LAMB4: variants seen among roughly 807,000 people sequenced by gnomAD.
LAMB4 encodes laminin subunit beta 4.
LAMB4 carries 196 observed loss-of-function variants against 199.2 expected under a neutral mutation model. The ratio of observed to expected loss-of-function variants is 0.98; its 90% CI spans 0.88 to 1.11. The LOEUF is 1.11. Ranked by LOEUF, LAMB4 falls within the 50% of genes least tolerant of loss-of-function variation. LAMB4 has a pLI of 0.00. For synonymous variants in LAMB4, 744 were observed against 770.6 expected, an observed-to-expected ratio of 0.97 and a Z score of 0.57; for missense variants, 2,080 against 2,171.2, an observed-to-expected ratio of 0.96 and a Z score of 0.83.
intron 16 of LAMB4, among the ~76,000 whole-genome samples, chr7:108,077,412 C>T (rs565003746): frequency 1.2e-4 from 18 of 152,124 alleles, no homozygotes; most frequent in South Asian, 4.2e-4. Context: ...AAAATTTTTG[C>T]GGCAGGGCAT....
At chr7:108,121,673 C>A (rs1401857229) in intron 2 of LAMB4, among the ~76,000 whole-genome samples, 1 of 151,708 alleles carries the variant, frequency 6.6e-6, no homozygotes, top group Non-Finnish European at 1.5e-5. Flanking sequence ...TTGCTTGAAC[C>A]CAGGAGGTGG....
intron 26 of LAMB4, among the ~76,000 whole-genome samples, chr7:108,051,751 A>G (rs763738513): frequency 2.0e-5 from 3 of 152,088 alleles, no homozygotes; most frequent in Non-Finnish European, 2.9e-5. Context: ...CGAGAAAGGC[A>G]TATAAACATG....
chr7:108,063,651 T>C (rs1225827106), intron 22 of LAMB4, 110 bp downstream of exon 22: 2 of 959,526 alleles, frequency 2.1e-6, no homozygotes, highest in Non-Finnish European at 3.4e-6. Context: ...TGGGTGCTGC[T>C]TTTGCCTGCT....
In LAMB4 at chr7:108,034,225, T is replaced by C; in HGVS notation, c.4801A>G (p.Lys1601Glu). The change falls in exon 31 of 34, where the codon AAA becomes GAA. Residue 1601 changes from lysine (K) to glutamate (E), a missense_variant. Physicochemically the swap from Lys to Glu is moderately conservative, Grantham distance 56. Transcript: ENST00000388781. Reference protein sequence around the residue: ...TQLTANITKIKKNVLQAENQT... With the variant: ...TQLTANITKIEKNVLQAENQT... ...ACAAATACCTGCAGCACATTCTTTTTTATTTTTGTTATATTGGCAGTCAGC... is the reference window on the plus strand; with the variant it reads ...ACAAATACCTGCAGCACATTCTTTTCTATTTTTGTTATATTGGCAGTCAGC... 3 of 1,614,118 alleles carry C rather than the reference T, an allele frequency of 1.9e-6. No homozygotes were observed. The highest frequency in any genetic ancestry group is 1.7e-6 in the Non-Finnish European group (2 of 1,180,000).
At chr7:108,020,594 A>G (rs2150471062), downstream of LAMB4, among the ~76,000 whole-genome samples, 1 of 151,994 alleles carries the variant, frequency 6.6e-6, no homozygotes, top group East Asian at 1.9e-4. Flanking sequence ...TATTTTGGCT[A>G]CTCACATTAA....
chr7:108,089,028 T>G (rs546424841), intron 14 of LAMB4, among the ~76,000 whole-genome samples: 3 of 152,114 alleles, frequency 2.0e-5, no homozygotes, highest in Non-Finnish European at 4.4e-5. Flanking sequence ...GGCCCTTTGT[T>G]TTGGGTTAAA....
chr7:108,111,745 C>G, intron 4 of LAMB4, 66 bp downstream of exon 4: 1 of 1,407,624 alleles, frequency 7.1e-7, no homozygotes, highest in Admixed American at 1.8e-5. Flanking sequence ...TAAAACCATA[C>G]AAGGAAGAGG....
chr7:108,086,999 G>A (rs968750528), intron 14 of LAMB4, among the ~76,000 whole-genome samples: 3 of 152,142 alleles, frequency 2.0e-5, no homozygotes, highest in Non-Finnish European at 2.9e-5. Context: ...TCAGATTGTG[G>A]AGAGCCACTT....
chr7:108,088,919 G>T (rs1272365814), intron 14 of LAMB4, among the ~76,000 whole-genome samples: 1 of 152,174 alleles, frequency 6.6e-6, no homozygotes, highest in Non-Finnish European at 1.5e-5. Context: ...CCCAGCTAAG[G>T]AATCTGGGAG....
At position 108,055,657 on chromosome 7, in the gene LAMB4, C is replaced by A. The variant is rs1341599722; in HGVS notation, c.3730G>T (p.Val1244Phe). The change falls in exon 25 of 34, where the codon GTC becomes TTC. Residue 1244 changes from valine (V) to phenylalanine (F), a missense_variant. Val to Phe is a conservative substitution (Grantham distance 50). Coordinates refer to ENST00000388781, the MANE Select transcript of LAMB4 (RefSeq NM_007356.3). The stretch of plus-strand genomic sequence containing the variant: ...CTAACAGAGTCATGATAATCCTTGA[C>A]TTTTAAGAATTTCCCAGATGGGAAA... ...PVFPSGKFLK[V>F]KDYHDSVRRQ... The A allele has an allele frequency of 6.2e-7, 1 of 1,613,672 alleles. No individual in the cohort carries two copies. The highest frequency in any genetic ancestry group is 1.3e-5 in the African/African-American group (1 of 74,846).
chr7:108,041,616 C>G (rs1439743031), intron 29 of LAMB4, among the ~76,000 whole-genome samples: 1 of 152,094 alleles, frequency 6.6e-6, no homozygotes, highest in East Asian at 1.9e-4. Flanking sequence ...GAGCTGGAGG[C>G]CATTATCCTT....
At chr7:108,073,365 T>C (rs1021727412) in intron 17 of LAMB4, among the ~76,000 whole-genome samples, 1 of 152,250 alleles carries the variant, frequency 6.6e-6, no homozygotes, top group African/African-American at 2.4e-5. Flanking sequence ...CTAAGGACTT[T>C]ATGTTTACCA....
chr7:108,108,689 T>G (rs2038111385), intron 5 of LAMB4, among the ~76,000 whole-genome samples: 1 of 152,102 alleles, frequency 6.6e-6, no homozygotes, highest in African/African-American at 2.4e-5. Flanking sequence ...TCATATTCAT[T>G]TTTTCTTACC....
chr7:108,106,371 T>A, intron 7 of LAMB4, 138 bp downstream of exon 7: 1 of 631,944 alleles, frequency 1.6e-6, no homozygotes, highest in Non-Finnish European at 2.8e-6. Context: ...AGAGCTGAGA[T>A]CACACCACTG....
chr7:108,095,179 T>C, intron 12 of LAMB4, 49 bp downstream of exon 12: 2 of 1,386,856 alleles, frequency 1.4e-6, no homozygotes, highest in Non-Finnish European at 2.0e-6. Context: ...GCAATGGCAA[T>C]AGAAATCTGT....
intron 18 of LAMB4, among the ~76,000 whole-genome samples, chr7:108,069,297 A>G (rs2036451115): frequency 6.6e-6 from 1 of 152,186 alleles, no homozygotes; most frequent in Admixed American, 6.5e-5. Context: ...GCAAAGAATT[A>G]CCCAGCTCAA....
intron 10 of LAMB4, among the ~76,000 whole-genome samples, chr7:108,101,457 C>A (rs2037812280): frequency 6.6e-6 from 1 of 152,156 alleles, no homozygotes; most frequent in African/African-American, 2.4e-5. Context: ...GACATGGGGA[C>A]ATGGAAACTC....
chr7:108,104,664 G>C (rs375491187), intron 8 of LAMB4, 45 bp from the exon 9 acceptor site: 15 of 1,593,976 alleles, frequency 9.4e-6, no homozygotes, highest in African/African-American at 1.3e-5. Context: ...GCTTGTCCTT[G>C]GGGACGTTGG....
intron 29 of LAMB4, among the ~76,000 whole-genome samples, chr7:108,040,663 A>T (rs896491149): frequency 6.6e-6 from 1 of 152,200 alleles, no homozygotes; most frequent in Admixed American, 6.5e-5. Context: ...AATGGGGAAA[A>T]GACTCCCTCT....
Sources: allele counts gnomAD v4.1 joint callset (sites outside exome capture counted in the v4.1 genomes callset), GRCh38; gene constraint gnomAD v4.1.1; transcripts MANE v1.5; gene names NCBI Gene and HGNC (gene_info 2026-07-23, HGNC 2026-07-21).